The following TANC1 variants were observed in gnomAD, a reference collection of about 807,000 sequenced individuals.
TANC1 encodes the protein protein TANC1.
A neutral mutation model predicts 149.7 loss-of-function variants in TANC1; 77 were observed. The ratio of observed to expected loss-of-function variants is 0.51; its 90% CI spans 0.43 to 0.62. The LOEUF is 0.62. Among genes scored for constraint, TANC1 ranks in the 20% least tolerant of loss-of-function variants. The pLI is 0.00. For missense variants in TANC1, 1,985 were observed against 2,321.8 expected, an observed-to-expected ratio of 0.85 and a Z score of 2.98; for synonymous variants, 854 against 925.0, an observed-to-expected ratio of 0.92 and a Z score of 1.39.
chr2:159,169,495 C>G, intron 9 of TANC1, 123 bp downstream of exon 9: 1 of 1,048,424 alleles, frequency 9.5e-7, no homozygotes, highest in Non-Finnish European at 1.4e-6. Flanking sequence ...TGTGTTTGTG[C>G]TAAAAGCATA....
chr2:159,011,226 G>T (rs1249117172), intron 2 of TANC1, among the ~76,000 whole-genome samples: 3 of 151,986 alleles, frequency 2.0e-5, no homozygotes, highest in Non-Finnish European at 4.4e-5. Context: ...TCATTGTAAG[G>T]TTTACATGAA....
intron 16 of TANC1, 76 bp downstream of exon 16, chr2:159,187,100 TC>T: frequency 6.4e-7 from 1 of 1,563,726 alleles, no homozygotes. Flanking sequence ...CAGCCCTGTT[TC>T]CCTCTGCCCT....
intron 7 of TANC1, among the ~76,000 whole-genome samples, chr2:159,151,146 T>A (rs2052759757): frequency 6.6e-6 from 1 of 152,230 alleles, no homozygotes; most frequent in African/African-American, 2.4e-5. Flanking sequence ...GCCCGGTGAC[T>A]TGAGCAACAT....
intron 2 of TANC1, among the ~76,000 whole-genome samples, chr2:159,033,346 A>G (rs2039932283): frequency 6.6e-6 from 1 of 152,172 alleles, no homozygotes; most frequent in Non-Finnish European, 1.5e-5. Flanking sequence ...TAGCAGCACA[A>G]CTGAGGAACT....
rs181574502 is a variant in TANC1, at chr2:159,174,438, G to T, written c.1504-515G>T. Among the ~76,000 whole-genome samples the T allele has an allele frequency of 2.6e-5, 4 of 152,186 alleles. No homozygotes were observed. The East Asian group carries it at 7.8e-4, about 30-fold the overall frequency. Reference sequence around the variant, plus strand: ...GTCCCTTGATGCAGTGTGGGTGTGGGGAGGGGCCAAGATCTTGACCCTCCT... The same window carrying T: ...GTCCCTTGATGCAGTGTGGGTGTGGTGAGGGGCCAAGATCTTGACCCTCCT... On this transcript the variant is annotated intron_variant, in intron 11 of 26. Coordinates refer to ENST00000263635, the MANE Select transcript of TANC1 (RefSeq NM_033394.3).
At chr2:159,028,205 C>T (rs1174490581) in intron 2 of TANC1, among the ~76,000 whole-genome samples, 2 of 152,184 alleles carry the variant, frequency 1.3e-5, no homozygotes, top group African/African-American at 4.8e-5. Flanking sequence ...ACTGCAACCT[C>T]TATCTCCTAG....
intron 16 of TANC1, among the ~76,000 whole-genome samples, chr2:159,190,186 C>T (rs10187460): frequency 7.2e-5 from 11 of 152,182 alleles, no homozygotes; most frequent in Non-Finnish European, 1.5e-4. Flanking sequence ...GAGGAATTTT[C>T]TGAAAATCAC....
intron 4 of TANC1, among the ~76,000 whole-genome samples, chr2:159,132,655 ATTTTTTT>A (rs35719354): frequency 7.9e-6 from 1 of 127,266 alleles, no homozygotes; most frequent in Non-Finnish European, 1.6e-5. Flanking sequence ...CACCCAGCTA[ATTTTTTT>A]TTTTTTTTTT....
At chr2:159,067,892 T>C (rs954414514) in intron 3 of TANC1, among the ~76,000 whole-genome samples, 11 of 152,244 alleles carry the variant, frequency 7.2e-5, no homozygotes, top group African/African-American at 2.7e-4. Context: ...GAACATAATT[T>C]GCATTTGAAA....
At chr2:158,990,358 A>G (rs17638597) in intron 1 of TANC1, among the ~76,000 whole-genome samples, 2,412 of 152,342 alleles carry the variant, frequency 0.016, 35 homozygotes, top group Middle Eastern at 0.027. Context: ...ACTAAATTGT[A>G]TCAAACTGTA....
At chr2:159,220,364 G>A (rs1283824637) in intron 22 of TANC1, among the ~76,000 whole-genome samples, 2 of 151,628 alleles carry the variant, frequency 1.3e-5, no homozygotes, top group Non-Finnish European at 2.9e-5. Flanking sequence ...CTGGAGTGCA[G>A]TGGTGCGATC....
intron 2 of TANC1, among the ~76,000 whole-genome samples, chr2:159,036,031 A>G (rs1227425689): frequency 1.3e-5 from 2 of 152,028 alleles, no homozygotes; most frequent in Non-Finnish European, 2.9e-5. Context: ...ATTCTTTTAT[A>G]CTTGTCTGTC....
chr2:159,017,736 T>G (rs2038421693), intron 2 of TANC1, among the ~76,000 whole-genome samples: 2 of 151,442 alleles, frequency 1.3e-5, no homozygotes. Context: ...AAGGAGAGCA[T>G]TAGGACAAAT....
At position 159,194,358 on chromosome 2, in the gene TANC1, G is replaced by A; in HGVS notation, c.2844G>A (p.Glu948=). Residue 948 remains glutamate (E), a synonymous_variant, in exon 17 of 27, where the codon GAG becomes GAA. Transcript: ENST00000263635. ...ILCVQSHLGH[E]EVVTLLLEFG... is the part of the protein sequence containing the mutation. ...GCGTCCAGTCTCACCTTGGCCACGA[G>A]GAAGTTGTCACTCTGCTCCTGGAAT... 1.2e-6 allele frequency: 2 copies of A among 1,614,280 alleles called. No homozygotes were observed. Among genetic ancestry groups the A allele is most frequent in the Non-Finnish European group, 8.5e-7 (1 of 1,180,058 alleles).
At chr2:159,116,454 C>CAAAAAA (rs779142844) in intron 4 of TANC1, among the ~76,000 whole-genome samples, 27 of 140,400 alleles carry the variant, frequency 1.9e-4, no homozygotes, top group Non-Finnish European at 4.7e-5. Flanking sequence ...ACAACAACAA[C>CAAAAAA]AAAAAAAAAA....
At chr2:159,021,035 G>A (rs1184756517) in intron 2 of TANC1, among the ~76,000 whole-genome samples, 1 of 152,198 alleles carries the variant, frequency 6.6e-6, no homozygotes, top group Non-Finnish European at 1.5e-5. Flanking sequence ...GGTATTCGAA[G>A]TGGTTTGCTA....
chr2:159,229,338 C>A (rs2060211986), intron 26 of TANC1, among the ~76,000 whole-genome samples: 2 of 152,094 alleles, frequency 1.3e-5, no homozygotes, highest in Admixed American at 6.6e-5. Flanking sequence ...TCCCTATTCC[C>A]AGTCCAGTGG....
intron 2 of TANC1, among the ~76,000 whole-genome samples, chr2:159,042,173 T>A (rs2040696120): frequency 6.6e-6 from 1 of 152,138 alleles, no homozygotes; most frequent in African/African-American, 2.4e-5. Context: ...GAGCTCCTCA[T>A]TAAACAGACT....
chr2:159,213,301 AAGAGACTACAGCG>A (rs982126573), intron 19 of TANC1, among the ~76,000 whole-genome samples: 1 of 152,090 alleles, frequency 6.6e-6, no homozygotes, highest in African/African-American at 2.4e-5. Context: ...TCGTGGCAGG[AAGAGACTACAGCG>A]AGAATTCCTG....
Sources: allele counts gnomAD v4.1 joint callset (sites outside exome capture counted in the v4.1 genomes callset), GRCh38; gene constraint gnomAD v4.1.1; transcripts MANE v1.5; gene names NCBI Gene and HGNC (gene_info 2026-07-23, HGNC 2026-07-21).